Variants in CACNB4 observed in about 807,000 individuals in gnomAD.
CACNB4 encodes the protein calcium voltage-gated channel auxiliary subunit beta 4, also known as voltage-dependent L-type calcium channel subunit beta-4.
A neutral mutation model predicts 71.2 loss-of-function variants in CACNB4; 32 were observed. The ratio of observed to expected loss-of-function variants is 0.45; its 90% CI spans 0.34 to 0.60. The LOEUF (loss-of-function observed/expected upper bound fraction) is 0.60, where lower values mean the gene tolerates loss of function less well. Ranked by LOEUF, CACNB4 falls within the 20% of genes least tolerant of loss-of-function variation. CACNB4 has a pLI of 0.01. For synonymous variants in CACNB4, 231 were observed against 236.9 expected, an observed-to-expected ratio of 0.97 and a Z score of 0.23; for missense variants, 464 against 647.9, an observed-to-expected ratio of 0.72 and a Z score of 3.08.
intron 2 of CACNB4, among the ~76,000 whole-genome samples, chr2:151,910,172 A>T (rs929798805): frequency 2.0e-5 from 3 of 152,112 alleles, no homozygotes; most frequent in African/African-American, 7.2e-5. Context: ...TTGGCCGCAT[A>T]AATGTCCTTT....
chr2:151,917,418 G>A (rs564933692), intron 2 of CACNB4, among the ~76,000 whole-genome samples: 11 of 152,148 alleles, frequency 7.2e-5, no homozygotes, highest in South Asian at 2.1e-4. Context: ...TTAATAAAGC[G>A]TACTGCCACA....
intron 2 of CACNB4, chr2:151,936,351 A>G (rs2099862924): frequency 6.6e-6 from 1 of 152,244 alleles, no homozygotes. Flanking sequence ...TCCCAGGAAC[A>G]TTCAGAGATC....
At chr2:151,910,903 T>C (rs1461881064) in intron 2 of CACNB4, among the ~76,000 whole-genome samples, 1 of 152,248 alleles carries the variant, frequency 6.6e-6, no homozygotes, top group Non-Finnish European at 1.5e-5. Context: ...ATGGCCATTT[T>C]CACAATATTG....
chr2:152,022,818 G>T (rs1281710888), intron 2 of CACNB4, among the ~76,000 whole-genome samples: 1 of 152,130 alleles, frequency 6.6e-6, no homozygotes, highest in Non-Finnish European at 1.5e-5. Context: ...TCTCCTACTT[G>T]ATCATGTACA....
At chr2:152,029,232 C>T (rs756534733) in intron 2 of CACNB4, among the ~76,000 whole-genome samples, 3 of 151,858 alleles carry the variant, frequency 2.0e-5, no homozygotes, top group African/African-American at 7.3e-5. Context: ...TGGTGGCTCA[C>T]GCCTGTAATC....
At chr2:151,995,028 TTAAA>T (rs768405594) in intron 2 of CACNB4, among the ~76,000 whole-genome samples, 8 of 152,176 alleles carry the variant, frequency 5.3e-5, no homozygotes, top group Non-Finnish European at 1.0e-4. Context: ...AAACAAGGAA[TTAAA>T]TAAATTTGCA....
In CACNB4 at chr2:151,904,125, C is replaced by T. The variant is rs530953869; in HGVS notation, c.148-20755G>A. Reference sequence around the variant, plus strand: ...CTTGCCTCCAATTTTTCAAAACCACCGCTGCAAAAGCAGATTGAATTTTGT... The same window carrying T: ...CTTGCCTCCAATTTTTCAAAACCACTGCTGCAAAAGCAGATTGAATTTTGT... On this transcript the variant is annotated intron_variant, in intron 2 of 13. Coordinates refer to ENST00000539935, the MANE Select transcript of CACNB4 (RefSeq NM_000726.5). 8.4e-4 allele frequency among the ~76,000 whole-genome samples: 128 copies of T among 152,314 alleles called. 1 individual carries two copies. Among genetic ancestry groups the T allele is most frequent in the Admixed American group, 1.6e-3 (25 of 15,306 alleles).
At chr2:152,050,352 A>G (rs1319156351) in intron 2 of CACNB4, among the ~76,000 whole-genome samples, 1 of 152,208 alleles carries the variant, frequency 6.6e-6, no homozygotes, top group African/African-American at 2.4e-5. Context: ...ACATAAGAGG[A>G]GAGAAAATCA....
rs1559836577 is a variant in CACNB4 at position 151,836,828 on chromosome 2, G to C, written c.*2291C>G. The C allele has an allele frequency of 6.6e-6, 1 of 151,976 alleles. No homozygotes were observed. Among genetic ancestry groups the C allele is most frequent in the African/African-American group, 2.4e-5 (1 of 41,438 alleles). The allele number at this position is 151,976 out of a possible 1,614,324, so 9.4% of individuals were successfully genotyped here. Reference sequence around the variant, plus strand: ...CTGTTACAGCTACCTGCCATAAAATGTAAGTATCTTAAAGTAGTTAAATGA... The same window carrying C: ...CTGTTACAGCTACCTGCCATAAAATCTAAGTATCTTAAAGTAGTTAAATGA... On this transcript the variant is annotated 3_prime_UTR_variant, in exon 14 of 14. Transcript: ENST00000539935.
chr2:151,845,813 G>C (rs2099837420), intron 12 of CACNB4, among the ~76,000 whole-genome samples: 1 of 152,206 alleles, frequency 6.6e-6, no homozygotes, highest in Admixed American at 6.5e-5. Flanking sequence ...AGACAGAATG[G>C]TGTGGCTGCC....
intron 2 of CACNB4, among the ~76,000 whole-genome samples, chr2:151,895,070 C>A (rs141091265): frequency 6.9e-6 from 1 of 145,134 alleles, no homozygotes; most frequent in East Asian, 2.1e-4. Flanking sequence ...ATCTAAAATT[C>A]ATATGGAACC....
At chr2:151,933,623 A>G (rs2099862175) in intron 2 of CACNB4, among the ~76,000 whole-genome samples, 1 of 152,162 alleles carries the variant, frequency 6.6e-6, no homozygotes, top group South Asian at 2.1e-4. Flanking sequence ...GTGAACCACC[A>G]GACCCTACTA....
chr2:151,849,785 G>A (rs2099838551), intron 12 of CACNB4, among the ~76,000 whole-genome samples: 1 of 152,184 alleles, frequency 6.6e-6, no homozygotes, highest in Non-Finnish European at 1.5e-5. Context: ...AGTGGCCATT[G>A]TTTGAAGTGA....
chr2:152,073,504 C>T (rs937053147), intron 2 of CACNB4, among the ~76,000 whole-genome samples: 3 of 152,100 alleles, frequency 2.0e-5, no homozygotes, highest in Admixed American at 1.3e-4. Flanking sequence ...ATTCTAGTGC[C>T]ATCCCCAAGG....
At chr2:152,010,800 T>C (rs16830588) in intron 2 of CACNB4, among the ~76,000 whole-genome samples, 7,328 of 152,236 alleles carry the variant, frequency 0.048, 586 homozygotes, top group African/African-American at 0.17. Flanking sequence ...ACTGGGGTCC[T>C]GCATCTGTTC....
chr2:151,955,509 G>T lies in CACNB4; in HGVS notation c.148-72139C>A, dbSNP rs79479617. On this transcript the variant is annotated intron_variant, in intron 2 of 13. Coordinates refer to ENST00000539935, the MANE Select transcript of CACNB4 (RefSeq NM_000726.5). ...AAGAAGCCATCCAAGACTGCAGGTG[G>T]CTAATGCCCAAGTGAATGGGGCAGA... Among the ~76,000 whole-genome samples, 498 of 152,272 alleles carry T rather than the reference G, an allele frequency of 3.3e-3. 23 individuals are homozygous for T. In the East Asian group the frequency reaches 0.072, roughly 22 times the overall value.
At chr2:152,029,884 G>A (rs1030062249) in intron 2 of CACNB4, among the ~76,000 whole-genome samples, 95 of 152,274 alleles carry the variant, frequency 6.2e-4, no homozygotes, top group African/African-American at 2.2e-3. Context: ...CCTTGATCTC[G>A]GACTTCCCAG....
intron 2 of CACNB4, among the ~76,000 whole-genome samples, chr2:152,020,828 C>G (rs1243090736): frequency 1.3e-5 from 2 of 152,172 alleles, no homozygotes; most frequent in Non-Finnish European, 2.9e-5. Flanking sequence ...CAGGCAAAAA[C>G]CTAACCTCGG....
At position 151,869,247 on chromosome 2, in the gene CACNB4, T is replaced by C. The variant is rs764536498; in HGVS notation, c.700-12A>G. On this transcript the variant is annotated splice_polypyrimidine_tract_variant and intron_variant, in intron 8 of 13. Coordinates refer to ENST00000539935, the MANE Select transcript of CACNB4 (RefSeq NM_000726.5). ...ATCATGTCTGTTACCTTTGCAGAGG[T>C]GAGAAAAAAAGAATGAGGCAAACAC... is the stretch of plus-strand genomic sequence containing the variant. The C allele has an allele frequency of 6.5e-7, 1 of 1,535,244 alleles. No individual in the cohort carries two copies. Among genetic ancestry groups the C allele is most frequent in the East Asian group, 2.4e-5 (1 of 42,020 alleles).
Sources: allele counts gnomAD v4.1 joint callset (sites outside exome capture counted in the v4.1 genomes callset), GRCh38; gene constraint gnomAD v4.1.1; transcripts MANE v1.5; gene names NCBI Gene and HGNC (gene_info 2026-07-23, HGNC 2026-07-21).